CNTNAP2: variants seen among roughly 807,000 people sequenced by gnomAD.
CNTNAP2 encodes contactin-associated protein-like 2.
In CNTNAP2, 98 loss-of-function variants were observed where a neutral mutation model predicts 155.2. The ratio of observed to expected loss-of-function variants is 0.63; its 90% CI spans 0.54 to 0.75. The LOEUF is 0.75. Ranked by LOEUF, CNTNAP2 falls within the 30% of genes least tolerant of loss-of-function variation. The pLI is 0.00. For missense variants in CNTNAP2, 1,727 were observed against 1,688.1 expected (o/e 1.02, Z -0.40); for synonymous variants, 651 against 631.2 (o/e 1.03, Z -0.47).
At chr7:147,620,950 G>T (rs188670517) in intron 12 of CNTNAP2, among the ~76,000 whole-genome samples, 1 of 152,182 alleles carries the variant, frequency 6.6e-6, no homozygotes, top group Admixed American at 6.5e-5. Context: ...ACTCCAAAAG[G>T]TCAAGGATAA....
At chr7:146,946,815 T>C (rs972595873) in intron 3 of CNTNAP2, among the ~76,000 whole-genome samples, 1 of 151,890 alleles carries the variant, frequency 6.6e-6, no homozygotes, top group Non-Finnish European at 1.5e-5. Flanking sequence ...TTCCAACAAC[T>C]CAAAAACTGC....
At chr7:148,135,973 G>GAGGGAGGAAGGA (rs1554476172) in intron 16 of CNTNAP2, among the ~76,000 whole-genome samples, 2 of 40,196 alleles carry the variant, frequency 5.0e-5, no homozygotes, top group African/African-American at 2.9e-4. Context: ...GGAAGAGAGG[G>GAGGGAGGAAGGA]AGGAAGGAAG....
At chr7:147,250,649 A>G (rs1281902896) in intron 8 of CNTNAP2, among the ~76,000 whole-genome samples, 3 of 150,086 alleles carry the variant, frequency 2.0e-5, no homozygotes. Context: ...GAGAAGGAGG[A>G]AAAGTGTGTG....
In CNTNAP2 at chr7:146,273,138, T is replaced by C. The variant is rs371240164; in HGVS notation, c.97+156165T>C. On this transcript the variant is annotated intron_variant, in intron 1 of 23. Coordinates refer to ENST00000361727, the MANE Select transcript of CNTNAP2 (RefSeq NM_014141.6). ...ATCAGAAAGGAGACATGGGGAGATA[T>C]GGAAAATTTAACCAGAGGCAAAGCC... 3.3e-4 allele frequency among the ~76,000 whole-genome samples: 49 copies of C among 149,382 alleles called. 1 individual carries two copies. In the East Asian group the frequency reaches 8.5e-3, roughly 26 times the overall value.
intron 20 of CNTNAP2, among the ~76,000 whole-genome samples, chr7:148,249,415 G>A (rs577612410): frequency 5.3e-5 from 8 of 152,190 alleles, no homozygotes; most frequent in East Asian, 1.9e-4. Flanking sequence ...TTCAGTGGGC[G>A]TGCTTCCAGT....
chr7:146,472,283 T>C (rs557754804), intron 1 of CNTNAP2, among the ~76,000 whole-genome samples: 142 of 152,322 alleles, frequency 9.3e-4, no homozygotes, highest in Non-Finnish European at 1.5e-3. Context: ...ATTTATGCAC[T>C]ATTTACAGTG....
chr7:147,786,776 T>C (rs545622558), intron 13 of CNTNAP2, among the ~76,000 whole-genome samples: 208 of 152,286 alleles, frequency 1.4e-3, no homozygotes, highest in Non-Finnish European at 2.2e-3. Flanking sequence ...AAGACCAGCC[T>C]GGGCCACACT....
chr7:148,150,290 C>G (rs189933637), intron 17 of CNTNAP2, among the ~76,000 whole-genome samples: 2 of 151,226 alleles, frequency 1.3e-5, no homozygotes, highest in Non-Finnish European at 3.0e-5. Context: ...GGCTCACGCC[C>G]GTAATCCCAG....
intron 3 of CNTNAP2, among the ~76,000 whole-genome samples, chr7:146,935,040 C>T (rs750468788): frequency 6.6e-6 from 1 of 152,174 alleles, no homozygotes; most frequent in Admixed American, 6.5e-5. Flanking sequence ...GTGTTCATGA[C>T]CTTGTGTTCA....
Position 147,276,224 on chromosome 7 carries a change from ATT to A in CNTNAP2, c.1349-23906_1349-23905del, listed in dbSNP as rs34167627. ...GTTAGGAAAGAATGCCTCCTCCTTA[ATT>A]TTTTTTTTTTGGAATAGTTTCAATA... On this transcript the variant is annotated intron_variant, in intron 8 of 23. Coordinates refer to ENST00000361727, the MANE Select transcript of CNTNAP2 (RefSeq NM_014141.6). Among the ~76,000 whole-genome samples the A allele has an allele frequency of 9.5e-3, 1,403 of 148,052 alleles. 25 individuals carry two copies. The highest frequency in any genetic ancestry group is 0.032 in the African/African-American group (1,288 of 40,510).
intron 21 of CNTNAP2, among the ~76,000 whole-genome samples, chr7:148,364,874 G>C (rs1372472187): frequency 1.3e-5 from 2 of 152,166 alleles, no homozygotes; most frequent in African/African-American, 2.4e-5. Context: ...TCTTGCTACT[G>C]CTCGCCCTTT....
At chr7:148,387,242 C>T (rs1337313893) in intron 22 of CNTNAP2, among the ~76,000 whole-genome samples, 1 of 152,192 alleles carries the variant, frequency 6.6e-6, no homozygotes. Context: ...GCATCCCTCA[C>T]ATCAGCAATT....
intron 1 of CNTNAP2, among the ~76,000 whole-genome samples, chr7:146,652,436 T>C (rs1457420963): frequency 6.6e-6 from 1 of 152,174 alleles, no homozygotes; most frequent in East Asian, 1.9e-4. Flanking sequence ...TTGCTTAATG[T>C]GTAAATTCCT....
chr7:147,572,564 A>G (rs1447834764), intron 12 of CNTNAP2, among the ~76,000 whole-genome samples: 3 of 138,660 alleles, frequency 2.2e-5, no homozygotes, highest in Admixed American at 1.5e-4. Context: ...TGCCTTTCTT[A>G]TGCAATTTCT....
At chr7:147,555,973 T>C (rs1043801226) in intron 11 of CNTNAP2, among the ~76,000 whole-genome samples, 4 of 152,238 alleles carry the variant, frequency 2.6e-5, no homozygotes, top group Admixed American at 2.0e-4. Flanking sequence ...CTTAAACCTT[T>C]TGCTTTTCTC....
intron 13 of CNTNAP2, among the ~76,000 whole-genome samples, chr7:147,865,096 G>A (rs1799204366): frequency 6.6e-6 from 1 of 152,116 alleles, no homozygotes; most frequent in African/African-American, 2.4e-5. Flanking sequence ...TTTGAGATAC[G>A]TTCCATCAAT....
At chr7:147,158,977 C>G (rs1801976469) in intron 8 of CNTNAP2, among the ~76,000 whole-genome samples, 1 of 151,928 alleles carries the variant, frequency 6.6e-6, no homozygotes, top group East Asian at 1.9e-4. Context: ...AACTTGCTTC[C>G]CTGAGGATTC....
intron 15 of CNTNAP2, among the ~76,000 whole-genome samples, chr7:148,068,116 C>G (rs903074914): frequency 8.5e-5 from 13 of 152,206 alleles, no homozygotes; most frequent in Admixed American, 1.3e-4. Flanking sequence ...CCACCTCTCC[C>G]CACCTGCTGT....
At chr7:147,035,422 T>C (rs1297729043) in intron 3 of CNTNAP2, among the ~76,000 whole-genome samples, 1 of 152,168 alleles carries the variant, frequency 6.6e-6, no homozygotes, top group Non-Finnish European at 1.5e-5. Flanking sequence ...ATGGGGAAAA[T>C]AAAATCTAAA....
Sources: allele counts gnomAD v4.1 joint callset (sites outside exome capture counted in the v4.1 genomes callset), GRCh38; gene constraint gnomAD v4.1.1; transcripts MANE v1.5; gene names NCBI Gene and HGNC (gene_info 2026-07-23, HGNC 2026-07-21).